PRKN: variants seen among roughly 807,000 people sequenced by gnomAD.
The protein encoded by PRKN is parkin RBR E3 ubiquitin protein ligase.
A neutral mutation model predicts 59.5 loss-of-function variants in PRKN; 56 were observed. That is an observed-to-expected ratio of 0.94 (90% CI 0.76 to 1.18). The LOEUF is 1.18. Ranked by LOEUF, PRKN falls within the 50% of genes most tolerant of loss-of-function variation. The pLI, the probability that PRKN is intolerant of heterozygous loss-of-function variation, is 0.00. For missense variants in PRKN, 657 were observed against 596.4 expected, an observed-to-expected ratio of 1.10 and a Z score of -1.06; for synonymous variants, 250 against 222.1, an observed-to-expected ratio of 1.13 and a Z score of -1.12.
rs1339910210 is a variant in PRKN, at chr6:161,549,437, A to G, written c.934-434T>C. On this transcript the variant is annotated intron_variant, in intron 8 of 11. Transcript: ENST00000366898. This position sits in a 1 kb window ranked among gnomAD's most constrained non-coding sequence, Gnocchi z 6.0. ...AATATATTGTCATGCCTCTATTTAA[A>G]ATTCAACAAGGTTTTATATTTATTT... 1.3e-5 allele frequency among the ~76,000 whole-genome samples: 2 copies of G among 152,156 alleles called. No individual in the cohort carries two copies. The highest frequency in any genetic ancestry group is 2.9e-5 in the Non-Finnish European group (2 of 68,020).
At chr6:161,907,604 T>C (rs1778195936) in intron 6 of PRKN, among the ~76,000 whole-genome samples, 1 of 152,150 alleles carries the variant, frequency 6.6e-6, no homozygotes, top group Non-Finnish European at 1.5e-5. Flanking sequence ...TTTTTGTGAA[T>C]GTGCACTGGG....
chr6:161,618,830 A>C (rs1328692471), intron 7 of PRKN, among the ~76,000 whole-genome samples: 1 of 152,216 alleles, frequency 6.6e-6, no homozygotes, highest in Non-Finnish European at 1.5e-5. Flanking sequence ...TCTTACTTTC[A>C]CTAAGTGTAA....
chr6:162,560,624 G>A (rs558554255), intron 1 of PRKN, among the ~76,000 whole-genome samples: 59 of 151,980 alleles, frequency 3.9e-4, no homozygotes, highest in African/African-American at 1.3e-3. Context: ...ACACCCTTCT[G>A]GTGTCCTTTT....
intron 7 of PRKN, among the ~76,000 whole-genome samples, chr6:161,570,146 A>AAAAAT (rs869285771): frequency 9.1e-5 from 7 of 76,588 alleles, no homozygotes; most frequent in African/African-American, 4.8e-4. Context: ...AAAAAAAAAA[A>AAAAAT]ATATATATAT....
intron 1 of PRKN, among the ~76,000 whole-genome samples, chr6:162,725,736 C>G (rs1267873538): frequency 6.7e-6 from 1 of 150,014 alleles, no homozygotes; most frequent in Admixed American, 6.7e-5. Flanking sequence ...GCACTCCGGC[C>G]TGGGTGACAG....
intron 4 of PRKN, among the ~76,000 whole-genome samples, chr6:162,190,784 T>C (rs1232637174): frequency 1.3e-5 from 2 of 152,340 alleles, no homozygotes; most frequent in East Asian, 1.9e-4. Context: ...AAGGATCTAC[T>C]ATGTAGGAAG....
intron 7 of PRKN, among the ~76,000 whole-genome samples, chr6:161,749,226 T>C (rs927606819): frequency 6.6e-6 from 1 of 152,202 alleles, no homozygotes; most frequent in African/African-American, 2.4e-5. Context: ...CTGACAAGAC[T>C]GTAACATCTT....
chr6:161,912,379 A>G (rs1778395836), intron 6 of PRKN, among the ~76,000 whole-genome samples: 2 of 152,090 alleles, frequency 1.3e-5, no homozygotes, highest in Non-Finnish European at 2.9e-5. Flanking sequence ...GGTGGTCACC[A>G]GTAAACCATT....
intron 6 of PRKN, among the ~76,000 whole-genome samples, chr6:161,900,928 A>ATATTTTTTTT (rs377615355): frequency 1.4e-5 from 2 of 143,512 alleles, no homozygotes; most frequent in African/African-American, 5.2e-5. Context: ...ATATATATAT[A>ATATTTTTTTT]TTTTTTAGAT....
At chr6:161,974,160 G>C (rs969467973) in intron 5 of PRKN, among the ~76,000 whole-genome samples, 1 of 152,110 alleles carries the variant, frequency 6.6e-6, no homozygotes, top group Non-Finnish European at 1.5e-5. Context: ...CTAGCTACTC[G>C]AGAGGCTGAG....
intron 5 of PRKN, among the ~76,000 whole-genome samples, chr6:161,978,835 A>T (rs1781151702): frequency 6.6e-6 from 1 of 152,204 alleles, no homozygotes; most frequent in African/African-American, 2.4e-5. Context: ...TTGGCCGGGG[A>T]AGTTGCTTCT....
intron 4 of PRKN, among the ~76,000 whole-genome samples, chr6:162,187,342 T>G (rs1784072370): frequency 6.6e-6 from 1 of 152,202 alleles, no homozygotes. Flanking sequence ...CTTTTCACAC[T>G]TCCTACACTT....
At position 161,353,573 on chromosome 6, in the gene PRKN, A is replaced by G. The variant is rs1350143198; in HGVS notation, c.1286-3362T>C. Among the ~76,000 whole-genome samples, 1 of 152,216 alleles carries G rather than the reference A, an allele frequency of 6.6e-6. No individual in the cohort carries two copies. Among genetic ancestry groups the G allele is most frequent in the Non-Finnish European group, 1.5e-5 (1 of 68,040 alleles). On this transcript the variant is annotated intron_variant, in intron 11 of 11. Transcript: ENST00000366898. This position sits in a 1 kb window ranked among gnomAD's most constrained non-coding sequence, Gnocchi z 4.8. ...GCGGAGCACCCAGGGAAGGCTTGGAAGCTCCGCGACCCTTCCCCCATACCT... is the reference window on the plus strand; with the variant it reads ...GCGGAGCACCCAGGGAAGGCTTGGAGGCTCCGCGACCCTTCCCCCATACCT...
chr6:162,278,912 G>C (rs1299467812), intron 2 of PRKN, among the ~76,000 whole-genome samples: 1 of 152,086 alleles, frequency 6.6e-6, no homozygotes, highest in Non-Finnish European at 1.5e-5. Flanking sequence ...TTAACAGTTG[G>C]GGACTCTGGA....
rs546558623 is a variant in PRKN at position 161,379,015 on chromosome 6, G to A, written c.1167+7779C>T. 4.3e-4 allele frequency among the ~76,000 whole-genome samples: 65 copies of A among 152,290 alleles called. No individual in the cohort carries two copies. Among genetic ancestry groups the A allele is most frequent in the African/African-American group, 1.5e-3 (62 of 41,564 alleles). On this transcript the variant is annotated intron_variant, in intron 10 of 11. Transcript: ENST00000366898. This position sits in a 1 kb window ranked among gnomAD's most constrained non-coding sequence, Gnocchi z 4.9. ...GCAAGAGTTCTGGTCACTTTATGTT[G>A]CATTGCCAAGGGATTAGCAGGCTAG...
intron 1 of PRKN, among the ~76,000 whole-genome samples, chr6:162,479,571 C>G (rs1365234205): frequency 2.0e-5 from 3 of 152,080 alleles, no homozygotes; most frequent in Admixed American, 6.6e-5. Flanking sequence ...CATAAACACA[C>G]AGTAGCCTGG....
At chr6:161,597,896 CAGTT>C (rs1055822448) in intron 7 of PRKN, among the ~76,000 whole-genome samples, 37 of 152,290 alleles carry the variant, frequency 2.4e-4, no homozygotes, top group African/African-American at 8.7e-4. Flanking sequence ...TGCGTACACA[CAGTT>C]AGGGTAGTTC....
chr6:162,589,271 G>C (rs1472401674), intron 1 of PRKN, among the ~76,000 whole-genome samples: 2 of 151,800 alleles, frequency 1.3e-5, no homozygotes, highest in Non-Finnish European at 2.9e-5. Context: ...AGACTTTTTT[G>C]CCTTTTTCTC....
chr6:162,282,821 A>G (rs1021315166), intron 2 of PRKN, among the ~76,000 whole-genome samples: 1 of 152,166 alleles, frequency 6.6e-6, no homozygotes, highest in Non-Finnish European at 1.5e-5. Flanking sequence ...ATTTTGATTA[A>G]CTCTGAAGAA....
Sources: allele counts gnomAD v4.1 joint callset (sites outside exome capture counted in the v4.1 genomes callset), GRCh38; gene constraint gnomAD v4.1.1; non-coding constraint Gnocchi (gnomAD v3.1); transcripts MANE v1.5; gene names NCBI Gene and HGNC (gene_info 2026-07-23, HGNC 2026-07-21).